Variants in UGT2B17 observed in about 807,000 individuals in gnomAD.
UGT2B17 encodes UDP-glucuronosyltransferase 2B17.
In UGT2B17, 21 loss-of-function variants were observed where a neutral mutation model predicts 48.2. That is an observed-to-expected ratio of 0.44 (90% CI 0.31 to 0.63). The LOEUF (loss-of-function observed/expected upper bound fraction) is 0.63. Ranked by LOEUF, UGT2B17 falls within the 20% of genes least tolerant of loss-of-function variation. The pLI is 0.08. For synonymous variants in UGT2B17, 146 were observed against 238.4 expected (o/e 0.61, Z 3.57); for missense variants, 402 against 696.1 (o/e 0.58, Z 4.75).
Position 68,545,006 on chromosome 4 carries a change from A to G in UGT2B17, c.1313+5671T>C. Reference sequence around the variant, plus strand: ...ACTTTAACAAACCACCGTCAACATTAGACAGATCAACGAGAAAAAGTTAAC... The same window carrying G: ...ACTTTAACAAACCACCGTCAACATTGGACAGATCAACGAGAAAAAGTTAAC... On this transcript the variant is annotated intron_variant, in intron 6 of 6. Coordinates refer to ENST00000317746, the MANE Select transcript of UGT2B17 (RefSeq NM_001077.4). Among the ~76,000 whole-genome samples, 2 of 126,248 alleles carry G rather than the reference A, an allele frequency of 1.6e-5. 1 individual carries two copies. The allele number at this position is 126,248 out of a possible 152,430, so 82.8% of individuals were successfully genotyped here.
Position 68,543,323 on chromosome 4 carries a change from C to T in UGT2B17, c.1314-5419G>A, listed in dbSNP as rs1350159823. 1.6e-5 allele frequency among the ~76,000 whole-genome samples: 2 copies of T among 126,002 alleles called. 1 individual carries two copies. The highest frequency in any genetic ancestry group is 5.4e-5 in the African/African-American group (2 of 36,794). 82.7% of individuals were successfully genotyped at this position (126,002 alleles called of 152,430 possible). A position where few individuals can be genotyped will look rare whatever the true frequency, so the allele number is the denominator to read the frequency against. On this transcript the variant is annotated intron_variant, in intron 6 of 6. Coordinates refer to ENST00000317746, the MANE Select transcript of UGT2B17 (RefSeq NM_001077.4). Reference sequence around the variant, plus strand: ...TGTCCGCTGCTGATACCCAGGCAAACAGGATCTGCAGTGGACCTCCAGCAA... The same window carrying T: ...TGTCCGCTGCTGATACCCAGGCAAATAGGATCTGCAGTGGACCTCCAGCAA...
At chr4:68,565,946 T>C (rs1200797986) in intron 2 of UGT2B17, among the ~76,000 whole-genome samples, 1 of 119,206 alleles carries the variant, frequency 8.4e-6, no homozygotes, top group Non-Finnish European at 1.7e-5. Flanking sequence ...AAATACATTA[T>C]ATTAAATTAA....
At chr4:68,559,811 C>T (rs1578169950) in intron 4 of UGT2B17, among the ~76,000 whole-genome samples, 1 of 126,328 alleles carries the variant, frequency 7.9e-6, no homozygotes, top group African/African-American at 2.7e-5. Context: ...TGTTGGGCCA[C>T]ATTTAATAAT....
At position 68,565,429 on chromosome 4, in the gene UGT2B17, G is replaced by T. The variant is rs1422903562; in HGVS notation, c.873+143C>A. 2.7e-6 allele frequency: 2 copies of T among 754,048 alleles called. 1 individual carries two copies. Among genetic ancestry groups the T allele is most frequent in the South Asian group, 7.5e-5 (2 of 26,526 alleles). 46.7% of individuals were successfully genotyped at this position (754,048 alleles called of 1,614,324 possible). A position where few individuals can be genotyped will look rare whatever the true frequency, so the allele number is the denominator to read the frequency against. ...ACATTCACATACTTGTGATAGTATA[G>T]AAATATATGATTTTCTAATGGCAAG... On this transcript the variant is annotated intron_variant, in intron 3 of 6. Coordinates refer to ENST00000317746, the MANE Select transcript of UGT2B17 (RefSeq NM_001077.4).
In UGT2B17 at chr4:68,568,026, G is replaced by A. The variant is rs1578173016; in HGVS notation, c.459C>T (p.Ala153=). The A allele has an allele frequency of 2.2e-6, 3 of 1,382,332 alleles. 1 individual carries two copies. The highest frequency in any genetic ancestry group is 2.8e-6 in the Non-Finnish European group (3 of 1,055,340). The allele number at this position is 1,382,332 out of a possible 1,614,324, so 85.6% of individuals were successfully genotyped here. Residue 153 remains alanine (A), a synonymous_variant, in exon 2 of 7, where the codon GCC becomes GCT. Coordinates refer to ENST00000317746, the MANE Select transcript of UGT2B17 (RefSeq NM_001077.4). ...CCAGCAGCTCACCACAGGGATTAAC[G>A]GCATCTGCCAGAAGGACATCAAATT... ...ESKFDVLLAD[A]VNPCGELLAE... is the part of the protein sequence containing the mutation.
Position 68,542,485 on chromosome 4 carries a change from C to G in UGT2B17, c.1314-4581G>C, listed in dbSNP as rs1444912937. On this transcript the variant is annotated intron_variant, in intron 6 of 6. Coordinates refer to ENST00000317746, the MANE Select transcript of UGT2B17 (RefSeq NM_001077.4). ...AGAAGCCAAGATGGCCGAATAAGAA[C>G]AGCTCCAGTCTACAGCTCCCAGTGT... Among the ~76,000 whole-genome samples, 3 of 126,582 alleles carry G rather than the reference C, an allele frequency of 2.4e-5. 1 individual carries two copies. The highest frequency in any genetic ancestry group is 8.1e-5 in the African/African-American group (3 of 37,070). The allele number at this position is 126,582 out of a possible 152,430, so 83.0% of individuals were successfully genotyped here.
Position 68,547,888 on chromosome 4 carries a change from C to A in UGT2B17, c.1313+2789G>T, listed in dbSNP as rs1406414049. On this transcript the variant is annotated intron_variant, in intron 6 of 6. Coordinates refer to ENST00000317746, the MANE Select transcript of UGT2B17 (RefSeq NM_001077.4). ...AAACCACAATGAGATACCATCTCACCCCAGTTAGAATGGCAATCATTAAAA... is the reference window on the plus strand; with the variant it reads ...AAACCACAATGAGATACCATCTCACACCAGTTAGAATGGCAATCATTAAAA... 4.0e-4 allele frequency among the ~76,000 whole-genome samples: 50 copies of A among 125,882 alleles called. 14 individuals are homozygous for A. The highest frequency in any genetic ancestry group is 3.7e-4 in the South Asian group (1 of 2,716). The allele number at this position is 125,882 out of a possible 152,430, so 82.6% of individuals were successfully genotyped here.
intron 6 of UGT2B17, among the ~76,000 whole-genome samples, chr4:68,541,570 A>T (rs1486437759): frequency 7.9e-6 from 1 of 126,340 alleles, no homozygotes; most frequent in Non-Finnish European, 1.7e-5. Flanking sequence ...ATAGATTGCA[A>T]AAATGTTCCC....
rs1220754092 is a variant in UGT2B17 at position 68,546,851 on chromosome 4, T to G, written c.1313+3826A>C. On this transcript the variant is annotated intron_variant, in intron 6 of 6. Transcript: ENST00000317746. ...ATTGCTTCAAAGAGAATAAAATACC[T>G]AGGAATCCAACTTACAAGGGATGTG... 1.6e-5 allele frequency among the ~76,000 whole-genome samples: 2 copies of G among 123,484 alleles called. 1 individual carries two copies. Among genetic ancestry groups the G allele is most frequent in the Admixed American group, 1.7e-4 (2 of 11,936 alleles). The allele number at this position is 123,484 out of a possible 152,430, so 81.0% of individuals were successfully genotyped here.
chr4:68,551,207 A>T lies in UGT2B17; in HGVS notation c.1094-311T>A, dbSNP rs1730908358. On this transcript the variant is annotated intron_variant, in intron 5 of 6. Coordinates refer to ENST00000317746, the MANE Select transcript of UGT2B17 (RefSeq NM_001077.4). ...AAAATTAAAATGTGCAAAAAAGAAA[A>T]GAATAAGATTTGGTATACAAGAACA... is the stretch of plus-strand genomic sequence containing the variant. Among the ~76,000 whole-genome samples the T allele has an allele frequency of 1.6e-5, 2 of 126,172 alleles. 1 individual carries two copies. Among genetic ancestry groups the T allele is most frequent in the South Asian group, 7.2e-4 (2 of 2,762 alleles). The allele number at this position is 126,172 out of a possible 152,430, so 82.8% of individuals were successfully genotyped here.
At chr4:68,561,809 A>T (rs1731108610) in intron 3 of UGT2B17, among the ~76,000 whole-genome samples, 1 of 122,958 alleles carries the variant, frequency 8.1e-6, no homozygotes. Flanking sequence ...AAAGAAAAAG[A>T]AAGAGAGAAA....
chr4:68,573,681 C>G (rs1222966550), intron 1 of UGT2B17, among the ~76,000 whole-genome samples: 1 of 126,352 alleles, frequency 7.9e-6, no homozygotes, highest in Non-Finnish European at 1.7e-5. Context: ...GGCACAAATG[C>G]CACTCTAGTT....
rs1447316774 is a variant in UGT2B17, at chr4:68,571,735, TC to T, written c.-64-3188del. 4.8e-5 allele frequency among the ~76,000 whole-genome samples: 6 copies of T among 126,034 alleles called. 3 individuals carry two copies. The highest frequency in any genetic ancestry group is 1.0e-4 in the Non-Finnish European group (6 of 59,622). 82.7% of individuals were successfully genotyped at this position (126,034 alleles called of 152,430 possible). ...GCCATTGATCTACTGTTATGGTTCC[TC>T]CACAAACATAATATGAGGTGACTTG... On this transcript the variant is annotated intron_variant, in intron 1 of 6. Coordinates refer to ENST00000317746, the MANE Select transcript of UGT2B17 (RefSeq NM_001077.4).
In UGT2B17 at chr4:68,537,840, G is replaced by T. The variant is rs267600213; in HGVS notation, c.1378C>A (p.Arg460=). ...HHDQPVKPLD[R]AVFWIEFVMR... ...ACAAACTCAATCCAGAAGACTGCTC[G>T]ATCCAGGGGCTTCACCGGTTGATCA... Residue 460 remains arginine (R), a synonymous_variant, in exon 7 of 7, where the codon CGA becomes AGA. Transcript: ENST00000317746. 4.4e-6 allele frequency: 6 copies of T among 1,378,406 alleles called. 2 individuals carry two copies. The highest frequency in any genetic ancestry group is 4.7e-6 in the Non-Finnish European group (5 of 1,054,390). 85.4% of individuals were successfully genotyped at this position (1,378,406 alleles called of 1,614,324 possible).
At chr4:68,575,398 A>T (rs1731357128) in intron 1 of UGT2B17, among the ~76,000 whole-genome samples, 1 of 124,278 alleles carries the variant, frequency 8.0e-6, no homozygotes, top group African/African-American at 2.8e-5. Context: ...CTTCCTTCTG[A>T]TGGCTAACCT....
At position 68,546,601 on chromosome 4, in the gene UGT2B17, C is replaced by A. The variant is rs1169007696; in HGVS notation, c.1313+4076G>T. Among the ~76,000 whole-genome samples the A allele has an allele frequency of 5.6e-5, 7 of 125,072 alleles. 3 individuals are homozygous for A. The highest frequency in any genetic ancestry group is 8.5e-5 in the Non-Finnish European group (5 of 59,158). 82.1% of individuals were successfully genotyped at this position (125,072 alleles called of 152,430 possible). The stretch of plus-strand genomic sequence containing the variant: ...GAGAATAAGGCAGGATAAGGAAATA[C>A]AGGGTATTCAATTAGGAAAAGAGGA... On this transcript the variant is annotated intron_variant, in intron 6 of 6. Coordinates refer to ENST00000317746, the MANE Select transcript of UGT2B17 (RefSeq NM_001077.4).
In UGT2B17 at chr4:68,568,205, A is replaced by T. The variant is rs1239310060; in HGVS notation, c.280T>A (p.Phe94Ile). Residue 94 changes from phenylalanine (F) to isoleucine (I), a missense_variant, in exon 2 of 7, where the codon TTC (phenylalanine) becomes ATC (isoleucine). Around this residue, in one of 5 missense-constraint regions of UGT2B17, gnomAD observed 84 missense variants for 92.6 expected, o/e 0.91. Coordinates refer to ENST00000317746, the MANE Select transcript of UGT2B17 (RefSeq NM_001077.4). The part of the protein sequence containing the change: ...NDLEDFFMKM[F>I]DRWTYSISKN... ...GAAATACTATATGTCCATCTATCGAACATTTTCATAAAAAAATCTTCCAAA... is the reference window on the plus strand; with the variant it reads ...GAAATACTATATGTCCATCTATCGATCATTTTCATAAAAAAATCTTCCAAA... 1 of 1,373,270 alleles carries T rather than the reference A, an allele frequency of 7.3e-7. No homozygotes were observed. The highest frequency in any genetic ancestry group is 1.5e-5 in the African/African-American group (1 of 67,458). The allele number at this position is 1,373,270 out of a possible 1,614,324, so 85.1% of individuals were successfully genotyped here.
intron 2 of UGT2B17, among the ~76,000 whole-genome samples, chr4:68,566,862 CA>C (rs1421634472): frequency 8.9e-6 from 1 of 111,860 alleles, no homozygotes; most frequent in Non-Finnish European, 1.8e-5. Context: ...CCCATGAAAA[CA>C]GCTTTCCAGG....
chr4:68,570,767 T>C (rs920353853), intron 1 of UGT2B17, among the ~76,000 whole-genome samples: 1 of 126,552 alleles, frequency 7.9e-6, no homozygotes, highest in Non-Finnish European at 1.7e-5. Flanking sequence ...ATAATTATTG[T>C]AACTCCTATT....
Sources: gnomAD v4.1 joint callset for allele counts (sites outside exome capture counted in the v4.1 genomes callset) on GRCh38, gnomAD v4.1.1 for gene constraint, gnomAD v4.1.1 regional missense constraint, MANE v1.5 for transcripts, NCBI Gene and HGNC (gene_info 2026-07-23, HGNC 2026-07-21) for gene names.